KCNIP4: variants seen among roughly 807,000 people sequenced by gnomAD.
KCNIP4 encodes the protein Kv channel-interacting protein 4.
In KCNIP4, 12 loss-of-function variants were observed where a neutral mutation model predicts 34.0. The observed-to-expected ratio is 0.35, with a 90% CI of 0.23 to 0.57. KCNIP4 has a LOEUF of 0.57. Ranked by LOEUF, KCNIP4 falls within the 20% of genes least tolerant of loss-of-function variation. KCNIP4 has a pLI of 0.83. For missense variants in KCNIP4, 238 were observed against 311.7 expected, an observed-to-expected ratio of 0.76 and a Z score of 1.78; for synonymous variants, 124 against 102.2, an observed-to-expected ratio of 1.21 and a Z score of -1.29.
At chr4:21,459,419 A>G (rs1407150803) in intron 1 of KCNIP4, among the ~76,000 whole-genome samples, 1 of 151,940 alleles carries the variant, frequency 6.6e-6, no homozygotes, top group Non-Finnish European at 1.5e-5. Flanking sequence ...CAACCCTATA[A>G]GCTCTTAATG....
intron 3 of KCNIP4, among the ~76,000 whole-genome samples, chr4:20,786,839 TTCTTTA>T (rs1213011686): frequency 1.0e-5 from 1 of 97,758 alleles, no homozygotes; most frequent in African/African-American, 4.5e-5. Flanking sequence ...TAGGATACAG[TTCTTTA>T]TCTTTATCAA....
chr4:21,286,905 A>T (rs574578694), intron 1 of KCNIP4, among the ~76,000 whole-genome samples: 1 of 152,064 alleles, frequency 6.6e-6, no homozygotes, highest in African/African-American at 2.4e-5. Flanking sequence ...TAATACATCA[A>T]CTCGGAAATG....
At chr4:20,896,076 TG>T (rs562442377) in intron 1 of KCNIP4, among the ~76,000 whole-genome samples, 25 of 152,268 alleles carry the variant, frequency 1.6e-4, no homozygotes, top group African/African-American at 5.8e-4. Context: ...GAGGAGGAAC[TG>T]GATGGTCTGG....
chr4:21,720,037 G>GAGAAGGAGAAGA (rs1553924615), intron 1 of KCNIP4, among the ~76,000 whole-genome samples: 45 of 134,008 alleles, frequency 3.4e-4, no homozygotes, highest in Non-Finnish European at 4.4e-4. Flanking sequence ...GAAGGAGAAG[G>GAGAAGGAGAAGA]AGAAGGAGAA....
intron 3 of KCNIP4, among the ~76,000 whole-genome samples, chr4:20,840,976 A>G (rs1719647816): frequency 1.3e-5 from 2 of 152,208 alleles, no homozygotes; most frequent in Admixed American, 1.3e-4. Flanking sequence ...TTGCAAGGGA[A>G]TCAAAGGAAG....
At chr4:21,712,061 A>G (rs1713772679) in intron 1 of KCNIP4, among the ~76,000 whole-genome samples, 1 of 152,138 alleles carries the variant, frequency 6.6e-6, no homozygotes, top group African/African-American at 2.4e-5. Context: ...CCTTCCCTAC[A>G]GTCCAAAAAT....
At chr4:21,327,288 T>C (rs1482717093) in intron 1 of KCNIP4, among the ~76,000 whole-genome samples, 1 of 152,146 alleles carries the variant, frequency 6.6e-6, no homozygotes, top group Non-Finnish European at 1.5e-5. Flanking sequence ...GTCTCTATTT[T>C]TCCTTCATGA....
chr4:21,848,513 T>C (rs1724162542), intron 1 of KCNIP4: 1 of 152,276 alleles, frequency 6.6e-6, no homozygotes, highest in Non-Finnish European at 1.5e-5. Context: ...GAATCCATCA[T>C]CATTCTCATT....
intron 1 of KCNIP4, among the ~76,000 whole-genome samples, chr4:21,861,071 T>A (rs919579173): frequency 5.9e-5 from 9 of 152,184 alleles, no homozygotes; most frequent in Non-Finnish European, 1.2e-4. Context: ...ATATTAAAGA[T>A]TGAGTATTTT....
At chr4:21,860,918 C>T (rs899841362) in intron 1 of KCNIP4, among the ~76,000 whole-genome samples, 6 of 151,794 alleles carry the variant, frequency 4.0e-5, no homozygotes, top group African/African-American at 1.5e-4. Flanking sequence ...TTTTTCTTAC[C>T]CCCAAAACTG....
rs1374681048 is a variant in KCNIP4 at position 21,141,979 on chromosome 4, G to A, written c.62-259270C>T. Among the ~76,000 whole-genome samples, 4 of 151,688 alleles carry A rather than the reference G, an allele frequency of 2.6e-5. No individual in the cohort carries two copies. In the South Asian group the frequency reaches 8.3e-4, roughly 32 times the overall value. Reference sequence around the variant, plus strand: ...AGCCTGGCCAACATAGTGAAACCCTGTCTCTACTAAAAATACTAAAAATTT... The same window carrying A: ...AGCCTGGCCAACATAGTGAAACCCTATCTCTACTAAAAATACTAAAAATTT... On this transcript the variant is annotated intron_variant, in intron 1 of 8. Coordinates refer to ENST00000382152, the MANE Select transcript of KCNIP4 (RefSeq NM_025221.6).
In KCNIP4 at chr4:21,556,845, C is replaced by T. The variant is rs564694863; in HGVS notation, c.61+391726G>A. On this transcript the variant is annotated intron_variant, in intron 1 of 8. Transcript: ENST00000382152. ...CTGAGGCAGGAAAATCACTTGAACCCGGGAGATAGAGGCTGTAGTGAGCTG... is the reference window on the plus strand; with the variant it reads ...CTGAGGCAGGAAAATCACTTGAACCTGGGAGATAGAGGCTGTAGTGAGCTG... Among the ~76,000 whole-genome samples the T allele has an allele frequency of 1.1e-4, 15 of 141,050 alleles. No homozygotes were observed. In the East Asian group the frequency reaches 1.8e-3, roughly 17 times the overall value. The allele number at this position is 141,050 out of a possible 152,430, so 92.5% of individuals were successfully genotyped here.
intron 1 of KCNIP4, among the ~76,000 whole-genome samples, chr4:21,178,815 CT>C (rs10611485): frequency 0.091 from 12,425 of 136,578 alleles, 258 homozygotes; most frequent in East Asian, 0.18. Flanking sequence ...TAACACCAAA[CT>C]TTTTTTTTTT....
intron 1 of KCNIP4, among the ~76,000 whole-genome samples, chr4:21,349,465 C>A (rs998277289): frequency 1.3e-5 from 2 of 152,126 alleles, no homozygotes; most frequent in Non-Finnish European, 2.9e-5. Context: ...AAGAATTAAT[C>A]TACTAGTATA....
intron 1 of KCNIP4, among the ~76,000 whole-genome samples, chr4:21,262,646 T>A (rs1260194996): frequency 6.6e-6 from 1 of 152,208 alleles, no homozygotes. Context: ...ACCTATTTTT[T>A]ACTTCCCTAC....
intron 1 of KCNIP4, among the ~76,000 whole-genome samples, chr4:21,491,429 C>A (rs1263123968): frequency 6.6e-6 from 1 of 152,120 alleles, no homozygotes; most frequent in Non-Finnish European, 1.5e-5. Context: ...GGCTGGAGTG[C>A]AATGGTGTGA....
intron 1 of KCNIP4, among the ~76,000 whole-genome samples, chr4:21,205,497 C>A (rs1382918906): frequency 1.3e-5 from 2 of 152,112 alleles, no homozygotes; most frequent in African/African-American, 4.8e-5. Context: ...GTGACTAGAC[C>A]CGTTCTCCAG....
Position 21,834,029 on chromosome 4 carries a change from G to A in KCNIP4, c.61+114542C>T, listed in dbSNP as rs557300205. ...ATAGTTTGAAGTCAGGTAGTGTGAT[G>A]CCTCCAGCTTTGTTCTTTTGGCTTA... On this transcript the variant is annotated intron_variant, in intron 1 of 8. Transcript: ENST00000382152. Among the ~76,000 whole-genome samples, 837 of 152,172 alleles carry A rather than the reference G, an allele frequency of 5.5e-3. 7 individuals are homozygous for A. The highest frequency in any genetic ancestry group is 0.019 in the African/African-American group (786 of 41,484).
chr4:21,778,224 C>CTTTTTTTTTTTTTTTTTTTTTTT (rs757351209), intron 1 of KCNIP4, among the ~76,000 whole-genome samples: 3 of 102,390 alleles, frequency 2.9e-5, no homozygotes, highest in African/African-American at 4.6e-5. Flanking sequence ...TCCTTTTTTC[C>CTTTTTTTTTTTTTTTTTTTTTTT]TTTTTTTTTT....
Sources: gnomAD v4.1 joint callset for allele counts (sites outside exome capture counted in the v4.1 genomes callset) on GRCh38, gnomAD v4.1.1 for gene constraint, MANE v1.5 for transcripts, NCBI Gene and HGNC (gene_info 2026-07-23, HGNC 2026-07-21) for gene names.